SEPTIN9: variants seen among roughly 807,000 people sequenced by gnomAD.
SEPTIN9 encodes septin-9.
In SEPTIN9, 13 loss-of-function variants were observed where a neutral mutation model predicts 56.6. That is an observed-to-expected ratio of 0.23 (90% confidence interval 0.15 to 0.37). The LOEUF (loss-of-function observed/expected upper bound fraction) is 0.37, where lower values mean the gene tolerates loss of function less well. SEPTIN9 is among the 10% of genes least tolerant of loss of function. SEPTIN9 has a pLI of 1.00. For missense variants in SEPTIN9, 650 were observed against 823.1 expected, an observed-to-expected ratio of 0.79 and a Z score of 2.57; for synonymous variants, 332 against 334.1, an observed-to-expected ratio of 0.99 and a Z score of 0.07.
rs1253374548 is a variant in SEPTIN9 at position 77,453,892 on chromosome 17, C to T, written c.722-28252C>T. The T allele has an allele frequency of 4.8e-6, 1 of 210,058 alleles. No individual in the cohort carries two copies. The highest frequency in any genetic ancestry group is 2.4e-5 in the African/African-American group (1 of 42,388). The allele number at this position is 210,058 out of a possible 1,614,324, so 13.0% of individuals were successfully genotyped here. ...GAGCCCCTTCTCCCTGCCCCCAGGC[C>T]TGGTGCAGTGTGTGGCTTCCCTGCC... On this transcript the variant is annotated intron_variant, in intron 3 of 11. Coordinates refer to ENST00000427177, the MANE Select transcript of SEPTIN9 (RefSeq NM_001113491.2). The surrounding 1 kb of genome is among the most constrained non-coding windows in gnomAD (Gnocchi z 4.4).
At chr17:77,287,986 G>A (rs2031353186) in intron 1 of SEPTIN9, 2 of 1,057,490 alleles carry the variant, frequency 1.9e-6, no homozygotes, top group East Asian at 5.2e-5. Flanking sequence ...GGCCTTCAGT[G>A]GCCTTTGTGT....
intron 2 of SEPTIN9, among the ~76,000 whole-genome samples, chr17:77,311,569 G>C (rs1447891562): frequency 2.0e-5 from 3 of 152,180 alleles, no homozygotes; most frequent in Non-Finnish European, 2.9e-5. Flanking sequence ...TCTTCCGGCA[G>C]GAGTGCCTGG....
chr17:77,475,582 C>A lies in SEPTIN9; in HGVS notation c.722-6562C>A. ...AGGGCTGCCGCAGGGGTGCTGGCCC[C>A]AGGGTCTGGATTCAGGGGAGCCTGC... is the stretch of plus-strand genomic sequence containing the variant. On this transcript the variant is annotated intron_variant, in intron 3 of 11. Coordinates refer to ENST00000427177, the MANE Select transcript of SEPTIN9 (RefSeq NM_001113491.2). The surrounding 1 kb of genome is among the most constrained non-coding windows in gnomAD (Gnocchi z 4.6). 6.2e-7 allele frequency: 1 copy of A among 1,613,488 alleles called. No individual in the cohort carries two copies. The highest frequency in any genetic ancestry group is 8.5e-7 in the Non-Finnish European group (1 of 1,179,824).
intron 3 of SEPTIN9, among the ~76,000 whole-genome samples, chr17:77,478,897 C>T (rs914562377): frequency 7.2e-5 from 11 of 151,794 alleles, no homozygotes; most frequent in Admixed American, 4.6e-4. Flanking sequence ...GTGAACCTTT[C>T]GGGTATTACG....
chr17:77,473,425 G>T (rs983684812), intron 3 of SEPTIN9, among the ~76,000 whole-genome samples: 1 of 152,032 alleles, frequency 6.6e-6, no homozygotes, highest in Non-Finnish European at 1.5e-5. Flanking sequence ...TAGGGATGGG[G>T]TCTCGCTACG....
At chr17:77,286,937 G>A (rs2031307640) in intron 1 of SEPTIN9, among the ~76,000 whole-genome samples, 1 of 152,210 alleles carries the variant, frequency 6.6e-6, no homozygotes, top group Non-Finnish European at 1.5e-5. Context: ...GCCTCTGTTT[G>A]TTGGAGCTAT....
chr17:77,459,137 C>T (rs1312290819), intron 3 of SEPTIN9, among the ~76,000 whole-genome samples: 2 of 152,242 alleles, frequency 1.3e-5, no homozygotes, highest in Non-Finnish European at 2.9e-5. Context: ...GCCACTACCA[C>T]CTGGCACCCC....
chr17:77,397,500 A>G (rs1381961843), intron 2 of SEPTIN9, among the ~76,000 whole-genome samples: 2 of 152,126 alleles, frequency 1.3e-5, no homozygotes, highest in Non-Finnish European at 2.9e-5. Flanking sequence ...GGGGTTAGGT[A>G]TTAGACATGT....
At chr17:77,480,514 TG>T (rs1420350603) in intron 3 of SEPTIN9, among the ~76,000 whole-genome samples, 1 of 152,200 alleles carries the variant, frequency 6.6e-6, no homozygotes. Flanking sequence ...CTGCCCCTCC[TG>T]GCCTGGAAGC....
chr17:77,447,718 G>A (rs770296219), intron 3 of SEPTIN9, among the ~76,000 whole-genome samples: 10 of 152,176 alleles, frequency 6.6e-5, no homozygotes, highest in Non-Finnish European at 1.0e-4. Context: ...TCCTCCTCCC[G>A]GGTTCAAGCG....
chr17:77,297,047 C>A (rs1417868995), intron 1 of SEPTIN9, among the ~76,000 whole-genome samples: 1 of 151,992 alleles, frequency 6.6e-6, no homozygotes, highest in African/African-American at 2.4e-5. Context: ...GGCAGATAGA[C>A]AGTTAGAAAG....
intron 2 of SEPTIN9, among the ~76,000 whole-genome samples, chr17:77,344,901 G>A (rs758853157): frequency 1.3e-5 from 2 of 149,386 alleles, no homozygotes; most frequent in East Asian, 2.0e-4. Flanking sequence ...GAACTAGGGA[G>A]GTGGAGGTTG....
chr17:77,444,260 A>G (rs2037653702), intron 3 of SEPTIN9, among the ~76,000 whole-genome samples: 1 of 152,120 alleles, frequency 6.6e-6, no homozygotes, highest in Non-Finnish European at 1.5e-5. Flanking sequence ...TGTTTGGGAA[A>G]AGGAGTGATA....
Position 77,405,148 on chromosome 17 carries a change from G to T in SEPTIN9, c.721+2445G>T. ...CCTGGCTCTGGGGGACAGGTAGGGG[G>T]ATGTCCATGGGGATGTACAAGAACA... is the stretch of plus-strand genomic sequence containing the variant. On this transcript the variant is annotated intron_variant, in intron 3 of 11. Coordinates refer to ENST00000427177, the MANE Select transcript of SEPTIN9 (RefSeq NM_001113491.2). This position sits in a 1 kb window ranked among gnomAD's most constrained non-coding sequence, Gnocchi z 5.8. The T allele has an allele frequency of 6.5e-7, 1 of 1,531,318 alleles. No individual in the cohort carries two copies. The highest frequency in any genetic ancestry group is 1.2e-5 in the South Asian group (1 of 83,948). 94.9% of individuals were successfully genotyped at this position (1,531,318 alleles called of 1,614,324 possible).
chr17:77,492,559 C>T lies in SEPTIN9; in HGVS notation c.1381-62C>T, dbSNP rs1252438851. ...CACAGTGTGGAGGTCATGTGGCAAA[C>T]ACCAGTGGGTGGGTAGAGCTTGCCA... On this transcript the variant is annotated intron_variant, in intron 8 of 11. Transcript: ENST00000427177. This position sits in a 1 kb window ranked among gnomAD's most constrained non-coding sequence, Gnocchi z 5.4. 2.7e-6 allele frequency: 4 copies of T among 1,477,644 alleles called. No homozygotes were observed. The highest frequency in any genetic ancestry group is 3.8e-6 in the Non-Finnish European group (4 of 1,056,120). The allele number at this position is 1,477,644 out of a possible 1,614,324, so 91.5% of individuals were successfully genotyped here.
chr17:77,394,671 C>A (rs895167289), intron 2 of SEPTIN9, among the ~76,000 whole-genome samples: 1 of 152,150 alleles, frequency 6.6e-6, no homozygotes, highest in South Asian at 2.1e-4. Context: ...CTCTGTGGCT[C>A]GCTTGGTGTT....
At chr17:77,383,709 G>T (rs1237895331) in intron 2 of SEPTIN9, among the ~76,000 whole-genome samples, 2 of 152,226 alleles carry the variant, frequency 1.3e-5, no homozygotes, top group African/African-American at 4.8e-5. Context: ...GGGAGAGGGT[G>T]CACGGAGGGG....
intron 2 of SEPTIN9, among the ~76,000 whole-genome samples, chr17:77,366,999 G>T (rs1269452637): frequency 6.6e-6 from 1 of 152,228 alleles, no homozygotes; most frequent in Non-Finnish European, 1.5e-5. Flanking sequence ...AAAGCAGGCT[G>T]GGGGGATCAC....
chr17:77,336,076 G>T (rs1315048261), intron 2 of SEPTIN9, among the ~76,000 whole-genome samples: 1 of 151,866 alleles, frequency 6.6e-6, no homozygotes, highest in African/African-American at 2.4e-5. Flanking sequence ...ATACATGTAG[G>T]CCCTGTGTTG....
Sources: allele counts gnomAD v4.1 joint callset (sites outside exome capture counted in the v4.1 genomes callset), GRCh38; gene constraint gnomAD v4.1.1; non-coding constraint Gnocchi (gnomAD v3.1); transcripts MANE v1.5; gene names NCBI Gene and HGNC (gene_info 2026-07-23, HGNC 2026-07-21).